The following GPAT4 variants were observed in gnomAD, a reference collection of about 807,000 sequenced individuals.
The protein encoded by GPAT4 is 1-AGP acyltransferase 6.
In GPAT4, 17 loss-of-function variants were observed where a neutral mutation model predicts 58.0. The observed-to-expected ratio is 0.29, with a 90% CI of 0.20 to 0.44. The LOEUF (loss-of-function observed/expected upper bound fraction) is 0.44. Ranked by LOEUF, GPAT4 falls within the 20% of genes least tolerant of loss-of-function variation. GPAT4 has a pLI of 1.00. For synonymous variants in GPAT4, 204 were observed against 210.1 expected (o/e 0.97, Z 0.25); for missense variants, 377 against 574.5 (o/e 0.66, Z 3.51).
chr8:41,595,124 T>C lies in GPAT4; in HGVS notation c.-848-3168T>C, dbSNP rs377516016. Reference sequence around the variant, plus strand: ...TTATCCTTTGCTATTAATAAGACCTTGTTTAGTCCAAATTAACTTAGAATT... The same window carrying C: ...TTATCCTTTGCTATTAATAAGACCTCGTTTAGTCCAAATTAACTTAGAATT... On this transcript the variant is annotated intron_variant, in intron 1 of 12. Transcript: ENST00000396987. Among the ~76,000 whole-genome samples the C allele has an allele frequency of 5.3e-5, 8 of 151,750 alleles. No homozygotes were observed. In the East Asian group the frequency reaches 1.4e-3, roughly 26 times the overall value.
chr8:41,612,489 C>A (rs190595386), intron 7 of GPAT4, among the ~76,000 whole-genome samples: 2 of 152,318 alleles, frequency 1.3e-5, no homozygotes, highest in African/African-American at 4.8e-5. Flanking sequence ...GGCAGTCAGG[C>A]AGACCAGCAG....
At chr8:41,592,026 G>A (rs1026136494) in intron 1 of GPAT4, among the ~76,000 whole-genome samples, 3 of 152,140 alleles carry the variant, frequency 2.0e-5, no homozygotes, top group African/African-American at 7.2e-5. Flanking sequence ...GTATCCCTAC[G>A]AGCCATCTTG....
intron 2 of GPAT4, among the ~76,000 whole-genome samples, chr8:41,606,427 C>T (rs1293725553): frequency 6.6e-6 from 1 of 152,070 alleles, no homozygotes; most frequent in Non-Finnish European, 1.5e-5. Context: ...CAGGAGTGTG[C>T]TGTGTGAGTA....
intron 7 of GPAT4, 44 bp from the exon 8 acceptor site, chr8:41,612,800 TG>T (rs770484035): frequency 6.5e-7 from 1 of 1,526,834 alleles, no homozygotes; most frequent in Non-Finnish European, 9.0e-7. Flanking sequence ...GGGAGATTCG[TG>T]TGAAGATGGC....
chr8:41,612,888 C>G lies in GPAT4; in HGVS notation c.839C>G (p.Ala280Gly). 6.2e-7 allele frequency: 1 copy of G among 1,614,014 alleles called. No homozygotes were observed. The highest frequency in any genetic ancestry group is 8.5e-7 in the Non-Finnish European group (1 of 1,180,004). Residue 280 changes from alanine (A) to glycine (G), a missense_variant, in exon 8 of 13, where the codon GCC (alanine) becomes GGC (glycine). Coordinates refer to ENST00000396987, the MANE Select transcript of GPAT4 (RefSeq NM_178819.4). ...GGACTCATGGGTGTGATTCAGAGAG[C>G]CATGGTGAAGGCCTGCCCACACGTC... ...HGGLMGVIQRAMVKACPHVWF... is the reference protein window; with the variant it reads ...HGGLMGVIQRGMVKACPHVWF...
intron 8 of GPAT4, among the ~76,000 whole-genome samples, chr8:41,613,672 C>G (rs1388714891): frequency 6.6e-6 from 1 of 152,306 alleles, no homozygotes; most frequent in Non-Finnish European, 1.5e-5. Flanking sequence ...CACATGGTGG[C>G]TCAGGCCTGT....
At chr8:41,599,446 G>T in intron 2 of GPAT4, 142 bp downstream of exon 2, 1 of 1,009,956 alleles carries the variant, frequency 9.9e-7, no homozygotes, top group Non-Finnish European at 1.4e-6. Flanking sequence ...TGAGTAAGAA[G>T]AATAACTAAA....
At chr8:41,588,851 T>C (rs762465940) in intron 1 of GPAT4, among the ~76,000 whole-genome samples, 2 of 152,236 alleles carry the variant, frequency 1.3e-5, no homozygotes, top group Non-Finnish European at 2.9e-5. Flanking sequence ...GGCAGCTTCC[T>C]TCCTAAAAGA....
intron 4 of GPAT4, 75 bp downstream of exon 4, chr8:41,610,030 T>C: frequency 1.3e-6 from 2 of 1,522,506 alleles, no homozygotes; most frequent in South Asian, 2.6e-5. Context: ...CCTGCTCTGC[T>C]GTGTATTCCC....
rs937002003 is a variant in GPAT4, at chr8:41,578,214, C to G, written c.-913C>G. On this transcript the variant is annotated 5_prime_UTR_variant, in exon 1 of 13. Coordinates refer to ENST00000396987, the MANE Select transcript of GPAT4 (RefSeq NM_178819.4). ...CACGTCCTGACGCAGCTTGGGCCCG[C>G]GGCGGCGGCAAGGGCGGGAGGGAGC... 6.6e-6 allele frequency: 1 copy of G among 151,712 alleles called. No homozygotes were observed. The allele number at this position is 151,712 out of a possible 1,614,324, so 9.4% of individuals were successfully genotyped here.
intron 2 of GPAT4, among the ~76,000 whole-genome samples, chr8:41,601,649 C>G (rs1803101746): frequency 6.6e-6 from 1 of 152,152 alleles, no homozygotes; most frequent in Admixed American, 6.5e-5. Flanking sequence ...GCCTAGAGTT[C>G]TCTTGTAGTA....
At chr8:41,613,307 A>C (rs1050489376) in intron 8 of GPAT4, among the ~76,000 whole-genome samples, 28 of 152,248 alleles carry the variant, frequency 1.8e-4, no homozygotes, top group African/African-American at 6.7e-4. Flanking sequence ...AATAGTTTGA[A>C]CCAGGGTGAC....
chr8:41,617,711 C>T (rs1803635367), intron 10 of GPAT4, among the ~76,000 whole-genome samples: 1 of 152,208 alleles, frequency 6.6e-6, no homozygotes, highest in Admixed American at 6.5e-5. Flanking sequence ...AGGGAAAGGG[C>T]ATTTTTGATG....
At chr8:41,594,735 C>T (rs980919513) in intron 1 of GPAT4, among the ~76,000 whole-genome samples, 21 of 151,882 alleles carry the variant, frequency 1.4e-4, no homozygotes, top group Non-Finnish European at 2.2e-4. Flanking sequence ...TTAGTAGAGA[C>T]GGGGTTTCAC....
In GPAT4 at chr8:41,610,940, G is replaced by A; in HGVS notation, c.611+130G>A. 7.3e-6 allele frequency: 7 copies of A among 960,884 alleles called. No homozygotes were observed. The South Asian group carries it at 1.5e-4, about 21-fold the overall frequency. The allele number at this position is 960,884 out of a possible 1,614,324, so 59.5% of individuals were successfully genotyped here. A position where few individuals can be genotyped will look rare whatever the true frequency, so the allele number is the denominator to read the frequency against. Reference sequence around the variant, plus strand: ...AATCTTAGATGGATTAAATAACCCAGTGGTGGCCAGGCACGGTGGCTCATG... The same window carrying A: ...AATCTTAGATGGATTAAATAACCCAATGGTGGCCAGGCACGGTGGCTCATG... On this transcript the variant is annotated intron_variant, in intron 5 of 12. Transcript: ENST00000396987.
intron 1 of GPAT4, among the ~76,000 whole-genome samples, chr8:41,594,576 C>T (rs1271652635): frequency 8.5e-5 from 12 of 140,862 alleles, no homozygotes; most frequent in Admixed American, 4.5e-4. Flanking sequence ...GATGGAGTCT[C>T]GCTCTGTCGC....
intron 2 of GPAT4, 87 bp downstream of exon 2, chr8:41,599,391 CT>C: frequency 1.4e-6 from 2 of 1,462,680 alleles, no homozygotes. Context: ...CCTATTATCT[CT>C]TTATTAGATA....
At chr8:41,617,134 G>A (rs762660304) in intron 10 of GPAT4, among the ~76,000 whole-genome samples, 3 of 152,202 alleles carry the variant, frequency 2.0e-5, no homozygotes, top group Admixed American at 6.5e-5. Context: ...GGCTGAGGCC[G>A]GTGGATCACT....
At chr8:41,607,233 C>G (rs1286007374) in intron 2 of GPAT4, among the ~76,000 whole-genome samples, 1 of 152,114 alleles carries the variant, frequency 6.6e-6, no homozygotes, top group African/African-American at 2.4e-5. Flanking sequence ...CTCCTCTTTT[C>G]CCCTGCCCTT....
Sources: allele counts gnomAD v4.1 joint callset (sites outside exome capture counted in the v4.1 genomes callset), GRCh38; gene constraint gnomAD v4.1.1; transcripts MANE v1.5; gene names NCBI Gene and HGNC (gene_info 2026-07-23, HGNC 2026-07-21).